Variants in GALNTL6 observed in about 807,000 individuals in gnomAD.
GALNTL6 encodes the protein polypeptide N-acetylgalactosaminyltransferase-like 6.
Under a neutral mutation model 73.7 loss-of-function variants are expected in GALNTL6, and 46 were observed. The observed-to-expected ratio is 0.62, with a 90% CI of 0.49 to 0.80. The LOEUF (loss-of-function observed/expected upper bound fraction) is 0.80. GALNTL6 is among the 30% of genes least tolerant of loss of function. The pLI, the probability that GALNTL6 is intolerant of heterozygous loss-of-function variation, is 0.00. For synonymous variants in GALNTL6, 259 were observed against 263.7 expected, an observed-to-expected ratio of 0.98 and a Z score of 0.17; for missense variants, 604 against 755.0, an observed-to-expected ratio of 0.80 and a Z score of 2.34.
intron 2 of GALNTL6, among the ~76,000 whole-genome samples, chr4:172,086,667 C>T (rs1442262888): frequency 2.6e-5 from 4 of 152,088 alleles, no homozygotes; most frequent in Non-Finnish European, 4.4e-5. Flanking sequence ...TTCAGCTCTG[C>T]TGTTTTTGAC....
At chr4:172,322,634 A>G (rs1226942688) in intron 4 of GALNTL6, among the ~76,000 whole-genome samples, 1 of 152,128 alleles carries the variant, frequency 6.6e-6, no homozygotes, top group Non-Finnish European at 1.5e-5. Flanking sequence ...AGCAGGAGAG[A>G]GAGCGTGAAG....
chr4:172,935,579 T>TA (rs970372058), intron 9 of GALNTL6, among the ~76,000 whole-genome samples: 4 of 151,532 alleles, frequency 2.6e-5, no homozygotes, highest in South Asian at 2.1e-4. Context: ...ATAGATGCAA[T>TA]AAAAAAATGA....
intron 7 of GALNTL6, among the ~76,000 whole-genome samples, chr4:172,827,558 T>C (rs893906963): frequency 1.3e-5 from 2 of 152,160 alleles, no homozygotes; most frequent in African/African-American, 4.8e-5. Context: ...CCTACCACAC[T>C]CCACCCACCA....
At chr4:172,081,331 A>C (rs549072091) in intron 2 of GALNTL6, among the ~76,000 whole-genome samples, 12 of 152,286 alleles carry the variant, frequency 7.9e-5, no homozygotes, top group Admixed American at 2.0e-4. Context: ...CAAACCTATT[A>C]AGGCTGAGTC....
chr4:172,028,097 T>C (rs1180178654), intron 2 of GALNTL6, among the ~76,000 whole-genome samples: 1 of 152,052 alleles, frequency 6.6e-6, no homozygotes, highest in Non-Finnish European at 1.5e-5. Flanking sequence ...CAAGATTGTA[T>C]TGGAAGAAGT....
chr4:172,755,059 T>C (rs1214935459), intron 5 of GALNTL6, among the ~76,000 whole-genome samples: 22 of 152,128 alleles, frequency 1.4e-4, no homozygotes, highest in Admixed American at 1.4e-3. Context: ...CCATTTGTCC[T>C]AACTTACTTA....
chr4:172,520,060 A>C (rs1264298681), intron 5 of GALNTL6, among the ~76,000 whole-genome samples: 5 of 151,934 alleles, frequency 3.3e-5, no homozygotes, highest in Non-Finnish European at 5.9e-5. Flanking sequence ...ATTAATAGTA[A>C]TATGTCGTAC....
intron 3 of GALNTL6, among the ~76,000 whole-genome samples, chr4:172,292,721 T>C (rs1042595228): frequency 6.6e-6 from 1 of 152,150 alleles, no homozygotes; most frequent in African/African-American, 2.4e-5. Context: ...AGCTATTTGA[T>C]TAATGTAAAA....
intron 2 of GALNTL6, among the ~76,000 whole-genome samples, chr4:172,164,804 G>C (rs1022606306): frequency 1.3e-5 from 2 of 152,034 alleles, no homozygotes; most frequent in Non-Finnish European, 2.9e-5. Context: ...GTAAACCGTA[G>C]AGTGTTATGT....
At chr4:171,933,666 C>T (rs6826263) in intron 2 of GALNTL6, among the ~76,000 whole-genome samples, 6,738 of 152,052 alleles carry the variant, frequency 0.044, 408 homozygotes, top group African/African-American at 0.14. Context: ...AGTTAACAAA[C>T]GATTATGATT....
chr4:172,941,083 CTTAAT>C lies in GALNTL6; in HGVS notation c.1149+9820_1149+9824del, dbSNP rs547344529. Among the ~76,000 whole-genome samples the C allele has an allele frequency of 1.6e-3, 239 of 152,294 alleles. 3 individuals carry two copies. Among genetic ancestry groups the C allele is most frequent in the Admixed American group, 0.015 (223 of 15,286 alleles). ...TTCTTCCCAACATTAAGGAATTTTG[CTTAAT>C]TTAAATTTTTCAAATATTCCATTGT... is the stretch of plus-strand genomic sequence containing the variant. On this transcript the variant is annotated intron_variant, in intron 9 of 12. Transcript: ENST00000506823.
intron 2 of GALNTL6, among the ~76,000 whole-genome samples, chr4:172,183,163 A>G (rs1182475332): frequency 6.6e-6 from 1 of 152,242 alleles, no homozygotes; most frequent in Non-Finnish European, 1.5e-5. Context: ...TCAATCTGTG[A>G]ATATTATCAA....
intron 2 of GALNTL6, among the ~76,000 whole-genome samples, chr4:171,926,116 C>G (rs1294945280): frequency 2.0e-5 from 3 of 152,020 alleles, no homozygotes; most frequent in Non-Finnish European, 4.4e-5. Context: ...TTACATTTAT[C>G]TCAACCTTCT....
At chr4:172,828,721 A>C (rs1742419278) in intron 7 of GALNTL6, among the ~76,000 whole-genome samples, 1 of 152,236 alleles carries the variant, frequency 6.6e-6, no homozygotes, top group Non-Finnish European at 1.5e-5. Context: ...TGATAACTAA[A>C]AGAAAAGATT....
Position 171,927,923 on chromosome 4 carries a change from G to A in GALNTL6, c.138+113205G>A, listed in dbSNP as rs560495938. On this transcript the variant is annotated intron_variant, in intron 2 of 12. Transcript: ENST00000506823. Reference sequence around the variant, plus strand: ...CTTGCATTAACTTTGGACGCCACTCGTCATTACCTATCTATTCATTACATA... The same window carrying A: ...CTTGCATTAACTTTGGACGCCACTCATCATTACCTATCTATTCATTACATA... Among the ~76,000 whole-genome samples, 39 of 152,070 alleles carry A rather than the reference G, an allele frequency of 2.6e-4. No individual in the cohort carries two copies. In the East Asian group the frequency reaches 3.9e-3, roughly 15 times the overall value.
At chr4:171,816,330 C>G (rs1428129707) in intron 2 of GALNTL6, 1 of 151,314 alleles carries the variant, frequency 6.6e-6, no homozygotes. Flanking sequence ...TAATTTTGAC[C>G]CTTAATGAGA....
intron 5 of GALNTL6, among the ~76,000 whole-genome samples, chr4:172,720,605 A>G (rs1735413337): frequency 6.6e-6 from 1 of 152,238 alleles, no homozygotes; most frequent in East Asian, 1.9e-4. Context: ...ACACCAGAAT[A>G]ACATTGCAAA....
intron 5 of GALNTL6, among the ~76,000 whole-genome samples, chr4:172,717,840 T>G (rs1294626872): frequency 2.0e-5 from 3 of 152,186 alleles, no homozygotes; most frequent in Non-Finnish European, 4.4e-5. Flanking sequence ...CTACGAGACT[T>G]TAAAGGATAA....
chr4:172,081,426 T>A (rs1484700458), intron 2 of GALNTL6, among the ~76,000 whole-genome samples: 1 of 152,112 alleles, frequency 6.6e-6, no homozygotes, highest in Non-Finnish European at 1.5e-5. Flanking sequence ...AATCATGAGG[T>A]CAAGAGATCG....
Sources: allele counts gnomAD v4.1 joint callset (sites outside exome capture counted in the v4.1 genomes callset), GRCh38; gene constraint gnomAD v4.1.1; transcripts MANE v1.5; gene names NCBI Gene and HGNC (gene_info 2026-07-23, HGNC 2026-07-21).